ELF2: variants seen among roughly 807,000 people sequenced by gnomAD.
ELF2 encodes the protein E74 like ETS transcription factor 2, also known as ETS-related transcription factor Elf-2.
Under a neutral mutation model 54.8 loss-of-function variants are expected in ELF2, and 11 were observed. That is an observed-to-expected ratio of 0.20 (90% confidence interval 0.13 to 0.33). The LOEUF (loss-of-function observed/expected upper bound fraction) is 0.33. ELF2 is among the 10% of genes least tolerant of loss of function. ELF2 has a pLI of 1.00. For missense variants in ELF2, 513 were observed against 703.0 expected (o/e 0.73, Z 3.06); for synonymous variants, 203 against 245.1 (o/e 0.83, Z 1.61).
chr4:139,121,626 C>A (rs944139417), intron 4 of ELF2, among the ~76,000 whole-genome samples: 1 of 152,060 alleles, frequency 6.6e-6, no homozygotes, highest in Non-Finnish European at 1.5e-5. Flanking sequence ...ACCAGTCTAT[C>A]CAGCAGGCCC....
chr4:139,137,897 T>C, intron 2 of ELF2, 30 bp from the exon 3 acceptor site: 1 of 1,284,232 alleles, frequency 7.8e-7, no homozygotes, highest in Non-Finnish European at 9.9e-7. Flanking sequence ...GAAAAGTTAT[T>C]TTAAAAATTA....
chr4:139,174,614 T>C (rs1742718836), intron 1 of ELF2, among the ~76,000 whole-genome samples: 2 of 152,146 alleles, frequency 1.3e-5, no homozygotes, highest in African/African-American at 4.8e-5. Flanking sequence ...AAAAATTATG[T>C]CTGTAAATGA....
At chr4:139,070,152 T>C (rs1218723351) in intron 6 of ELF2, among the ~76,000 whole-genome samples, 3 of 151,750 alleles carry the variant, frequency 2.0e-5, no homozygotes, top group Non-Finnish European at 4.4e-5. Flanking sequence ...CTTGTAATTT[T>C]TAAATGGTCA....
At chr4:139,115,243 G>A (rs1735532980) in intron 4 of ELF2, 6 of 1,609,652 alleles carry the variant, frequency 3.7e-6, no homozygotes, top group Non-Finnish European at 4.2e-6. Flanking sequence ...CTCATCGTCC[G>A]CGCCGCCCGG....
intron 1 of ELF2, among the ~76,000 whole-genome samples, chr4:139,148,316 A>ATTTT (rs772079635): frequency 0.016 from 1,011 of 64,614 alleles, 68 homozygotes; most frequent in Non-Finnish European, 0.021. Context: ...TACCTGGCTA[A>ATTTT]TTTTTTTTTT....
chr4:139,067,613 T>C, intron 7 of ELF2, 71 bp downstream of exon 7: 5 of 1,499,838 alleles, frequency 3.3e-6, no homozygotes, highest in Non-Finnish European at 3.7e-6. Context: ...AATAGTTTTC[T>C]TACAAATACA....
intron 1 of ELF2, among the ~76,000 whole-genome samples, chr4:139,158,902 C>A (rs2148896918): frequency 6.6e-6 from 1 of 152,068 alleles, no homozygotes; most frequent in East Asian, 1.9e-4. Flanking sequence ...GACAATTAGT[C>A]GTTTCACCTT....
chr4:139,171,812 T>C (rs1257145334), intron 1 of ELF2, among the ~76,000 whole-genome samples: 1 of 152,062 alleles, frequency 6.6e-6, no homozygotes, highest in Non-Finnish European at 1.5e-5. Flanking sequence ...TAATCCCAGC[T>C]ACTCGGGAGG....
rs141873908 is a variant in ELF2, at chr4:139,119,651, T to C, written c.238+5513A>G. On this transcript the variant is annotated intron_variant, in intron 4 of 9. Coordinates refer to ENST00000686138, the MANE Select transcript of ELF2 (RefSeq NM_001331036.3). ...GCAGTACTGCCCTGTCTCTTACGGG[T>C]ACCTTATATTTGCCTACATGTTTGT... Among the ~76,000 whole-genome samples the C allele has an allele frequency of 2.6e-5, 4 of 152,310 alleles. No individual in the cohort carries two copies. In the East Asian group the frequency reaches 7.7e-4, roughly 29 times the overall value.
chr4:139,137,316 C>T, intron 3 of ELF2: 1 of 352,900 alleles, frequency 2.8e-6, no homozygotes, highest in Non-Finnish European at 5.2e-6. Context: ...TATATACCTA[C>T]AGTATAATCC....
chr4:139,101,095 A>C (rs988731008), intron 4 of ELF2, among the ~76,000 whole-genome samples: 5 of 152,322 alleles, frequency 3.3e-5, no homozygotes, highest in African/African-American at 1.2e-4. Context: ...TTCCCAATGA[A>C]ATTTTATTTA....
chr4:139,139,475 T>C lies in ELF2; in HGVS notation c.-229A>G. Reference sequence around the variant, plus strand: ...TTTCACAACTTGGGAAGAGCTAAAATCTGAACCAGTAGTTCTTTGGAACTG... The same window carrying C: ...TTTCACAACTTGGGAAGAGCTAAAACCTGAACCAGTAGTTCTTTGGAACTG... On this transcript the variant is annotated 5_prime_UTR_variant, in exon 2 of 10. Coordinates refer to ENST00000686138, the MANE Select transcript of ELF2 (RefSeq NM_001331036.3). 2 of 1,229,558 alleles carry C rather than the reference T, an allele frequency of 1.6e-6. No homozygotes were observed. Among genetic ancestry groups the C allele is most frequent in the Non-Finnish European group, 1.0e-6 (1 of 986,870 alleles). The allele number at this position is 1,229,558 out of a possible 1,614,324, so 76.2% of individuals were successfully genotyped here.
intron 1 of ELF2, among the ~76,000 whole-genome samples, chr4:139,159,318 G>C (rs776974098): frequency 6.6e-6 from 1 of 152,214 alleles, no homozygotes; most frequent in Non-Finnish European, 1.5e-5. Context: ...AAGGAAATGA[G>C]ACGTTTTAAG....
intron 4 of ELF2, among the ~76,000 whole-genome samples, chr4:139,105,483 T>C (rs545690861): frequency 6.6e-6 from 1 of 152,220 alleles, no homozygotes; most frequent in Non-Finnish European, 1.5e-5. Context: ...CAATTTTTTA[T>C]GATGGGTATA....
At position 139,059,148 on chromosome 4, in the gene ELF2, T is replaced by G. The variant is rs996855800; in HGVS notation, c.1617A>C (p.Ala539=). 9.9e-6 allele frequency: 16 copies of G among 1,613,892 alleles called. No individual in the cohort carries two copies. The African/African-American group carries it at 1.5e-4, about 15-fold the overall frequency. Residue 539 remains alanine (A), a synonymous_variant, in exon 10 of 10, where the codon GCA becomes GCC. Coordinates refer to ENST00000686138, the MANE Select transcript of ELF2 (RefSeq NM_001331036.3). Reference sequence around the variant, plus strand: ...CATCATGTTCTTGCTTTTTTGCCACTGCTTCCGATTTAACCTCTGGCCCCT... The same window carrying G: ...CATCATGTTCTTGCTTTTTTGCCACGGCTTCCGATTTAACCTCTGGCCCCT... ...VIKGPEVKSE[A]VAKKQEHDVK...
chr4:139,175,599 C>CT (rs1742823463), intron 1 of ELF2, among the ~76,000 whole-genome samples: 1 of 152,182 alleles, frequency 6.6e-6, no homozygotes, highest in Non-Finnish European at 1.5e-5. Flanking sequence ...CCAATCCTTT[C>CT]TTAGTAAAGC....
chr4:139,170,249 T>C (rs980867721), intron 1 of ELF2, among the ~76,000 whole-genome samples: 6 of 146,918 alleles, frequency 4.1e-5, no homozygotes, highest in African/African-American at 1.5e-4. Context: ...CTTTAAAAGA[T>C]CTTAATCGCC....
At chr4:139,127,415 C>T (rs980569326) in intron 3 of ELF2, among the ~76,000 whole-genome samples, 2 of 152,158 alleles carry the variant, frequency 1.3e-5, no homozygotes, top group African/African-American at 2.4e-5. Flanking sequence ...ACTCAGTGAA[C>T]CTGACTATTC....
chr4:139,095,611 C>T (rs1486136735), intron 4 of ELF2, among the ~76,000 whole-genome samples: 2 of 152,138 alleles, frequency 1.3e-5, no homozygotes, highest in East Asian at 3.8e-4. Flanking sequence ...TGAGTATTCT[C>T]CTTTAATCTA....
Sources: allele counts gnomAD v4.1 joint callset (sites outside exome capture counted in the v4.1 genomes callset), GRCh38; gene constraint gnomAD v4.1.1; transcripts MANE v1.5; gene names NCBI Gene and HGNC (gene_info 2026-07-23, HGNC 2026-07-21).